POR: variants seen among roughly 807,000 people sequenced by gnomAD.
POR encodes the protein NADPH--cytochrome P450 reductase.
POR carries 56 observed loss-of-function variants against 84.0 expected under a neutral mutation model. The ratio of observed to expected loss-of-function variants is 0.67; its 90% confidence interval spans 0.54 to 0.83. POR has a LOEUF of 0.83. Ranked by LOEUF, POR falls within the 40% of genes least tolerant of loss-of-function variation. The pLI, the probability that POR is intolerant of heterozygous loss-of-function variation, is 0.00. For synonymous variants in POR, 414 were observed against 400.5 expected, an observed-to-expected ratio of 1.03 and a Z score of -0.40; for missense variants, 938 against 944.3, an observed-to-expected ratio of 0.99 and a Z score of 0.09.
At chr7:75,961,772 G>A (rs533223295) in intron 2 of POR, among the ~76,000 whole-genome samples, 2 of 152,190 alleles carry the variant, frequency 1.3e-5, no homozygotes, top group South Asian at 2.1e-4. Flanking sequence ...CCAGCACTTC[G>A]GGAGGCTGAG....
At chr7:75,962,683 C>T (rs782153977) in intron 2 of POR, among the ~76,000 whole-genome samples, 1 of 152,148 alleles carries the variant, frequency 6.6e-6, no homozygotes, top group Non-Finnish European at 1.5e-5. Context: ...GTATCATAAT[C>T]GAAATCTAGA....
rs782583370 is a variant in POR at position 75,985,565 on chromosome 7, G to C, written c.1399-14G>C. 6.6e-7 allele frequency: 1 copy of C among 1,518,274 alleles called. No homozygotes were observed. The highest frequency in any genetic ancestry group is 1.4e-5 in the African/African-American group (1 of 73,056). 94.1% of individuals were successfully genotyped at this position (1,518,274 alleles called of 1,614,324 possible). On this transcript the variant is annotated splice_polypyrimidine_tract_variant and intron_variant, in intron 12 of 15. Coordinates refer to ENST00000461988, the MANE Select transcript of POR (RefSeq NM_000941.3). The stretch of plus-strand genomic sequence containing the variant: ...CTCGGTGTGGCGGTGGAGCTCACAC[G>C]GCCCTCCCCACAGGTCCACCCCAAC...
At chr7:75,945,817 A>G (rs1476054934) in intron 1 of POR, among the ~76,000 whole-genome samples, 4 of 152,196 alleles carry the variant, frequency 2.6e-5, no homozygotes, top group African/African-American at 9.7e-5. Flanking sequence ...ACTCACCCCA[A>G]TATCAGTGCT....
chr7:75,918,859 C>T (rs145481875), intron 1 of POR, among the ~76,000 whole-genome samples: 1,629 of 152,162 alleles, frequency 0.011, 31 homozygotes, highest in African/African-American at 0.037. Flanking sequence ...CACACCAGCT[C>T]TGGGGGGCAT....
intron 1 of POR, among the ~76,000 whole-genome samples, chr7:75,944,313 G>A (rs1554551895): frequency 6.6e-6 from 1 of 152,200 alleles, no homozygotes; most frequent in Non-Finnish European, 1.5e-5. Flanking sequence ...GATCACTTGA[G>A]GCCAGGAGTT....
At position 75,935,105 on chromosome 7, in the gene POR, G is replaced by A. The variant is rs545372280; in HGVS notation, c.-4-18884G>A. On this transcript the variant is annotated intron_variant, in intron 1 of 15. Transcript: ENST00000461988. ...AGCCACAGGCTGTGAGAGCAGCCTC[G>A]GATTGAACCCTGCAAAGCCACCAGG... is the stretch of plus-strand genomic sequence containing the variant. Among the ~76,000 whole-genome samples the A allele has an allele frequency of 5.3e-5, 8 of 152,236 alleles. No homozygotes were observed. In the South Asian group the frequency reaches 1.0e-3, roughly 20 times the overall value.
chr7:75,922,828 C>A, intron 1 of POR: 1 of 529,268 alleles, frequency 1.9e-6, no homozygotes, highest in South Asian at 2.0e-5. Context: ...TTATCAAGGC[C>A]TCAAAGCCAC....
At chr7:75,973,845 A>T (rs905378271) in intron 3 of POR, among the ~76,000 whole-genome samples, 8 of 151,420 alleles carry the variant, frequency 5.3e-5, no homozygotes, top group Non-Finnish European at 7.4e-5. Flanking sequence ...GTGCCTGGCT[A>T]ATTTTTGTAT....
chr7:75,941,215 T>C (rs1807963368), intron 1 of POR, among the ~76,000 whole-genome samples: 1 of 152,170 alleles, frequency 6.6e-6, no homozygotes, highest in African/African-American at 2.4e-5. Context: ...TCCCACAGCC[T>C]GGGTTCCCTC....
chr7:75,934,506 T>C (rs1807575816), intron 1 of POR, among the ~76,000 whole-genome samples: 1 of 152,138 alleles, frequency 6.6e-6, no homozygotes, highest in Non-Finnish European at 1.5e-5. Flanking sequence ...TCAAGCAGGC[T>C]GTGGAGCAAC....
chr7:75,933,520 CCAGGATTA>C (rs1387136581), intron 1 of POR, among the ~76,000 whole-genome samples: 7 of 151,530 alleles, frequency 4.6e-5, no homozygotes, highest in African/African-American at 1.7e-4. Flanking sequence ...TCTGGAGCAG[CCAGGATTA>C]CAGGCACCTG....
intron 2 of POR, among the ~76,000 whole-genome samples, chr7:75,970,439 G>C (rs1788379698): frequency 6.6e-6 from 1 of 151,334 alleles, no homozygotes; most frequent in African/African-American, 2.4e-5. Flanking sequence ...CAAACACCCA[G>C]GTTCAAGGGA....
At chr7:75,939,772 T>G (rs904814671) in intron 1 of POR, among the ~76,000 whole-genome samples, 8 of 151,946 alleles carry the variant, frequency 5.3e-5, no homozygotes, top group Non-Finnish European at 1.2e-4. Context: ...CATACTTGGC[T>G]AATTTTTGTA....
At chr7:75,932,159 T>C (rs760544307) in intron 1 of POR, among the ~76,000 whole-genome samples, 7 of 152,148 alleles carry the variant, frequency 4.6e-5, no homozygotes, top group Non-Finnish European at 1.0e-4. Flanking sequence ...TTCAGAAATA[T>C]TTCTAAGACA....
At chr7:75,971,438 G>T (rs968901820) in intron 2 of POR, among the ~76,000 whole-genome samples, 1 of 152,034 alleles carries the variant, frequency 6.6e-6, no homozygotes, top group Non-Finnish European at 1.5e-5. Flanking sequence ...CACTGGGCTT[G>T]TTCCTCTGGC....
chr7:75,984,255 G>A (rs1789268572), intron 10 of POR, among the ~76,000 whole-genome samples: 1 of 152,196 alleles, frequency 6.6e-6, no homozygotes, highest in South Asian at 2.1e-4. Flanking sequence ...AGGCCCCCAA[G>A]GGTGCACAGT....
intron 1 of POR, among the ~76,000 whole-genome samples, chr7:75,933,478 T>C (rs367587686): frequency 7.1e-6 from 1 of 140,694 alleles, no homozygotes; most frequent in African/African-American, 2.5e-5. Flanking sequence ...AACCTCTGCC[T>C]CCCAGGTTCA....
chr7:75,952,359 G>A (rs1285317017), intron 1 of POR, among the ~76,000 whole-genome samples: 1 of 142,770 alleles, frequency 7.0e-6, no homozygotes, highest in African/African-American at 2.7e-5. Context: ...CAGTAGGGGC[G>A]GCTGGGCAGA....
chr7:75,978,428 T>C (rs1436307312), intron 3 of POR, among the ~76,000 whole-genome samples: 1 of 152,190 alleles, frequency 6.6e-6, no homozygotes, highest in Non-Finnish European at 1.5e-5. Context: ...TAATAAGTAA[T>C]CTAGAGATGA....
Sources: gnomAD v4.1 joint callset for allele counts (sites outside exome capture counted in the v4.1 genomes callset) on GRCh38, gnomAD v4.1.1 for gene constraint, MANE v1.5 for transcripts, NCBI Gene and HGNC (gene_info 2026-07-23, HGNC 2026-07-21) for gene names.